CNTNAP2: variants seen among roughly 807,000 people sequenced by gnomAD.
The protein encoded by CNTNAP2 is contactin-associated protein-like 2.
A neutral mutation model predicts 155.2 loss-of-function variants in CNTNAP2; 98 were observed. The ratio of observed to expected loss-of-function variants is 0.63; its 90% CI spans 0.54 to 0.75. The LOEUF is 0.75. Ranked by LOEUF, CNTNAP2 falls within the 30% of genes least tolerant of loss-of-function variation. The pLI is 0.00. For missense variants in CNTNAP2, 1,727 were observed against 1,688.1 expected (o/e 1.02, Z -0.40); for synonymous variants, 651 against 631.2 (o/e 1.03, Z -0.47).
At chr7:147,347,490 A>G (rs1795897032) in intron 9 of CNTNAP2, among the ~76,000 whole-genome samples, 1 of 90,548 alleles carries the variant, frequency 1.1e-5, no homozygotes, top group African/African-American at 3.4e-5. Flanking sequence ...ATATATATAT[A>G]TGCATATATA....
intron 18 of CNTNAP2, among the ~76,000 whole-genome samples, chr7:148,183,329 C>T (rs1239405463): frequency 6.6e-6 from 1 of 151,956 alleles, no homozygotes; most frequent in East Asian, 1.9e-4. Flanking sequence ...ATTCTGAGGG[C>T]GTAATTTGGG....
intron 13 of CNTNAP2, among the ~76,000 whole-genome samples, chr7:147,870,893 T>C (rs570584927): frequency 6.6e-6 from 1 of 152,126 alleles, no homozygotes; most frequent in South Asian, 2.1e-4. Context: ...GATAGGGGGA[T>C]CCTTTCAGAG....
At chr7:146,287,133 C>A (rs1168002799) in intron 1 of CNTNAP2, among the ~76,000 whole-genome samples, 2 of 152,086 alleles carry the variant, frequency 1.3e-5, no homozygotes, top group South Asian at 2.1e-4. Flanking sequence ...TTGTTACCAC[C>A]TTTTTCTAAA....
intron 15 of CNTNAP2, among the ~76,000 whole-genome samples, chr7:148,114,461 A>T (rs1045293796): frequency 2.0e-5 from 3 of 152,208 alleles, no homozygotes; most frequent in African/African-American, 7.2e-5. Context: ...GAGGCTGAAG[A>T]TTACTGAGAG....
At chr7:147,157,119 C>A (rs1801940724) in intron 8 of CNTNAP2, among the ~76,000 whole-genome samples, 1 of 152,068 alleles carries the variant, frequency 6.6e-6, no homozygotes, top group Admixed American at 6.6e-5. Flanking sequence ...GAGTGACCTT[C>A]AGTTGTTGCC....
At chr7:148,374,786 G>T (rs1343806947) in intron 21 of CNTNAP2, among the ~76,000 whole-genome samples, 1 of 152,184 alleles carries the variant, frequency 6.6e-6, no homozygotes, top group East Asian at 1.9e-4. Context: ...AACTCAGGAC[G>T]CACATTAGTG....
intron 1 of CNTNAP2, among the ~76,000 whole-genome samples, chr7:146,703,079 AG>A (rs1212370761): frequency 1.3e-5 from 2 of 152,166 alleles, no homozygotes; most frequent in Non-Finnish European, 2.9e-5. Context: ...AACCCATTAA[AG>A]TTACAAAAGA....
chr7:146,151,752 T>G (rs1200965844), intron 1 of CNTNAP2, among the ~76,000 whole-genome samples: 1 of 141,040 alleles, frequency 7.1e-6, no homozygotes, highest in Non-Finnish European at 1.5e-5. Context: ...TATTCAGCCT[T>G]TTTTAAAAAT....
At chr7:147,652,995 A>G (rs897548251) in intron 13 of CNTNAP2, among the ~76,000 whole-genome samples, 6 of 152,298 alleles carry the variant, frequency 3.9e-5, no homozygotes, top group African/African-American at 1.4e-4. Context: ...ATTGGCCCTG[A>G]CAAGTATATT....
intron 15 of CNTNAP2, among the ~76,000 whole-genome samples, chr7:148,116,928 T>C (rs930297853): frequency 2.6e-5 from 4 of 152,186 alleles, no homozygotes; most frequent in Admixed American, 6.5e-5. Context: ...GTATCAGAGC[T>C]CAAGGCTTTA....
At chr7:147,942,928 T>C (rs928732584) in intron 14 of CNTNAP2, among the ~76,000 whole-genome samples, 1 of 151,942 alleles carries the variant, frequency 6.6e-6, no homozygotes, top group African/African-American at 2.4e-5. Context: ...TCCCAGCTAC[T>C]CGGGAGGCTG....
At chr7:147,317,250 T>C (rs1292161891) in intron 9 of CNTNAP2, among the ~76,000 whole-genome samples, 1 of 152,234 alleles carries the variant, frequency 6.6e-6, no homozygotes, top group Admixed American at 6.5e-5. Context: ...TAGTTAGTCC[T>C]CTTTCAATCT....
chr7:147,723,991 T>A (rs1796605200), intron 13 of CNTNAP2, among the ~76,000 whole-genome samples: 1 of 151,966 alleles, frequency 6.6e-6, no homozygotes, highest in Non-Finnish European at 1.5e-5. Flanking sequence ...CAGTGTATTT[T>A]TTCTCATTTC....
chr7:146,330,012 CTTTTTTTTTT>C (rs748334732), intron 1 of CNTNAP2, among the ~76,000 whole-genome samples: 11 of 74,848 alleles, frequency 1.5e-4, no homozygotes, highest in African/African-American at 3.9e-4. Context: ...CAAGTACTTT[CTTTTTTTTTT>C]TTTTTTTTTT....
At chr7:148,059,169 T>C (rs1803082883) in intron 15 of CNTNAP2, among the ~76,000 whole-genome samples, 2 of 152,080 alleles carry the variant, frequency 1.3e-5, no homozygotes, top group African/African-American at 4.8e-5. Context: ...ACTGCTGTAG[T>C]CCCAGCTGCT....
intron 1 of CNTNAP2, among the ~76,000 whole-genome samples, chr7:146,741,711 A>C (rs1185178810): frequency 6.6e-6 from 1 of 152,152 alleles, no homozygotes; most frequent in Non-Finnish European, 1.5e-5. Flanking sequence ...TACAACCAAA[A>C]TAAAAGGTTA....
intron 1 of CNTNAP2, among the ~76,000 whole-genome samples, chr7:146,408,855 A>T (rs890376307): frequency 1.3e-5 from 2 of 152,146 alleles, no homozygotes; most frequent in African/African-American, 4.8e-5. Flanking sequence ...AGATATTAAA[A>T]AAAAAAGAAT....
At chr7:148,087,201 T>A (rs951061741) in intron 15 of CNTNAP2, among the ~76,000 whole-genome samples, 8 of 152,102 alleles carry the variant, frequency 5.3e-5, no homozygotes, top group Admixed American at 3.3e-4. Flanking sequence ...CCTATCCAGT[T>A]ATTATGTGGG....
intron 11 of CNTNAP2, among the ~76,000 whole-genome samples, chr7:147,495,578 C>A (rs942221320): frequency 1.3e-5 from 2 of 152,158 alleles, no homozygotes; most frequent in African/African-American, 4.8e-5. Flanking sequence ...GTAGTCAATT[C>A]TCAACAGATG....
Sources: gnomAD v4.1 joint callset for allele counts (sites outside exome capture counted in the v4.1 genomes callset) on GRCh38, gnomAD v4.1.1 for gene constraint, MANE v1.5 for transcripts, NCBI Gene and HGNC (gene_info 2026-07-23, HGNC 2026-07-21) for gene names.